SORCS3: variants seen among roughly 807,000 people sequenced by gnomAD.
SORCS3 encodes the protein sortilin related VPS10 domain containing receptor 3.
In SORCS3, 57 loss-of-function variants were observed where a neutral mutation model predicts 146.3. That is an observed-to-expected ratio of 0.39 (90% CI 0.31 to 0.49). The LOEUF (loss-of-function observed/expected upper bound fraction) is 0.49. Ranked by LOEUF, SORCS3 falls within the 20% of genes least tolerant of loss-of-function variation. The probability of loss-of-function intolerance (pLI) is 0.92; values close to 1 mark genes in which losing one functional copy is unlikely to be tolerated. For missense variants in SORCS3, 1,341 were observed against 1,575.5 expected (o/e 0.85, Z 2.52); for synonymous variants, 653 against 618.5 (o/e 1.06, Z -0.83).
Position 105,256,830 on chromosome 10 carries a change from G to T in SORCS3, c.3349G>T (p.Asp1117Tyr). ...TTCTTCTTTCCAAGCTCCATTGGTG[G>T]ACTCCAGTGCTGGGCACAGCAGCTC... is the stretch of plus-strand genomic sequence containing the variant. ...VTQLTLAPLVDSSAGHSSSAM... is the reference protein window; with the variant it reads ...VTQLTLAPLVYSSAGHSSSAM... Residue 1117 changes from aspartate (D) to tyrosine (Y), a missense_variant, in exon 25 of 27, where the codon GAC becomes TAC. Asp to Tyr is a radical substitution (Grantham distance 160, BLOSUM62 -3). Coordinates refer to ENST00000369701, the MANE Select transcript of SORCS3 (RefSeq NM_014978.3). 1 of 1,613,782 alleles carries T rather than the reference G, an allele frequency of 6.2e-7. No homozygotes were observed. The highest frequency in any genetic ancestry group is 1.3e-5 in the African/African-American group (1 of 75,026).
chr10:104,866,660 A>G (rs2018461848), intron 2 of SORCS3, among the ~76,000 whole-genome samples: 1 of 152,234 alleles, frequency 6.6e-6, no homozygotes, highest in Non-Finnish European at 1.5e-5. Flanking sequence ...TTGGACATTC[A>G]TTGAAATTTA....
chr10:105,105,959 A>G (rs1263413666), intron 7 of SORCS3, among the ~76,000 whole-genome samples: 3 of 152,062 alleles, frequency 2.0e-5, no homozygotes, highest in Non-Finnish European at 4.4e-5. Context: ...AGTGCTGACT[A>G]CCTTCTCAAT....
At chr10:105,239,551 C>T (rs1238735581) in intron 20 of SORCS3, among the ~76,000 whole-genome samples, 1 of 152,108 alleles carries the variant, frequency 6.6e-6, no homozygotes, top group Non-Finnish European at 1.5e-5. Flanking sequence ...TAATATGTGA[C>T]CTGTCGCACA....
intron 2 of SORCS3, among the ~76,000 whole-genome samples, chr10:104,850,088 C>A (rs2018257057): frequency 6.6e-6 from 1 of 152,182 alleles, no homozygotes. Flanking sequence ...TTTCATATAA[C>A]TTTTGGAGGG....
intron 20 of SORCS3, among the ~76,000 whole-genome samples, chr10:105,228,718 G>T (rs537390287): frequency 1.2e-4 from 18 of 152,130 alleles, no homozygotes; most frequent in Non-Finnish European, 2.1e-4. Context: ...ATCCACTCTT[G>T]GTTGAATGGG....
rs372893598 is a variant in SORCS3, at chr10:105,263,745, C to T, written c.*371C>T. The T allele has an allele frequency of 3.5e-4, 78 of 225,682 alleles. No individual in the cohort carries two copies. Among genetic ancestry groups the T allele is most frequent in the African/African-American group, 1.3e-3 (58 of 43,862 alleles). The allele number at this position is 225,682 out of a possible 1,614,324, so 14.0% of individuals were successfully genotyped here. On this transcript the variant is annotated 3_prime_UTR_variant, in exon 27 of 27. Coordinates refer to ENST00000369701, the MANE Select transcript of SORCS3 (RefSeq NM_014978.3). ...CCACAGCAGAATCACCAACACTCTC[C>T]GCTTCCCCCAGCACACACACATACA...
chr10:105,232,884 C>T (rs981222226), intron 20 of SORCS3, among the ~76,000 whole-genome samples: 3 of 151,888 alleles, frequency 2.0e-5, no homozygotes, highest in African/African-American at 4.8e-5. Flanking sequence ...TTCTGAGAGC[C>T]GACATTGTAT....
chr10:105,204,085 G>C (rs547149714), intron 16 of SORCS3, among the ~76,000 whole-genome samples: 10 of 152,196 alleles, frequency 6.6e-5, no homozygotes, highest in South Asian at 4.2e-4. Context: ...GGAGAGGCGA[G>C]GGGGAGCCTT....
In SORCS3 at chr10:105,214,286, C is replaced by T. The variant is rs567562278; in HGVS notation, c.2376-156C>T. ...AGCATTTGTTCAGCTTCGTAAATGACTGTCTTTTTGAGACTTGGTTTCCAG... is the reference window on the plus strand; with the variant it reads ...AGCATTTGTTCAGCTTCGTAAATGATTGTCTTTTTGAGACTTGGTTTCCAG... On this transcript the variant is annotated intron_variant, in intron 17 of 26. Coordinates refer to ENST00000369701, the MANE Select transcript of SORCS3 (RefSeq NM_014978.3). Among the ~76,000 whole-genome samples the T allele has an allele frequency of 1.7e-3, 254 of 152,276 alleles. 2 individuals carry two copies. The highest frequency in any genetic ancestry group is 3.1e-3 in the Non-Finnish European group (211 of 68,028).
chr10:104,842,914 C>G, intron 2 of SORCS3, 55 bp downstream of exon 2: 1 of 1,394,130 alleles, frequency 7.2e-7, no homozygotes, highest in South Asian at 1.2e-5. Context: ...ACATGAGAAA[C>G]GCAAGCTAAG....
chr10:105,079,088 T>C (rs2055607060), intron 5 of SORCS3, among the ~76,000 whole-genome samples: 1 of 152,186 alleles, frequency 6.6e-6, no homozygotes, highest in Admixed American at 6.5e-5. Flanking sequence ...ATCATCATCA[T>C]GTCATCTATG....
intron 1 of SORCS3, among the ~76,000 whole-genome samples, chr10:104,808,678 T>C (rs1490258167): frequency 6.6e-6 from 1 of 152,230 alleles, no homozygotes; most frequent in African/African-American, 2.4e-5. Flanking sequence ...CTGGAGCCCA[T>C]CATGAAGAAG....
intron 1 of SORCS3, among the ~76,000 whole-genome samples, chr10:104,655,421 A>G (rs2015616063): frequency 1.3e-5 from 2 of 152,122 alleles, no homozygotes; most frequent in South Asian, 4.1e-4. Context: ...CTGCAGAAAA[A>G]ATAGCCAGCA....
At chr10:104,755,280 A>G (rs1156695190) in intron 1 of SORCS3, among the ~76,000 whole-genome samples, 1 of 152,202 alleles carries the variant, frequency 6.6e-6, no homozygotes, top group African/African-American at 2.4e-5. Flanking sequence ...TCAATCATTC[A>G]TACATTCATT....
chr10:104,964,194 T>C (rs1333037453), intron 3 of SORCS3, among the ~76,000 whole-genome samples: 1 of 152,216 alleles, frequency 6.6e-6, no homozygotes, highest in Non-Finnish European at 1.5e-5. Context: ...ATATGCTTTC[T>C]ATGTAACTTG....
At chr10:104,862,375 T>A (rs1474838101) in intron 2 of SORCS3, among the ~76,000 whole-genome samples, 1 of 152,186 alleles carries the variant, frequency 6.6e-6, no homozygotes, top group Admixed American at 6.5e-5. Flanking sequence ...GGACAAGCCC[T>A]GTGGAGTTTT....
rs574885689 is a variant in SORCS3 at position 105,130,611 on chromosome 10, C to T, written c.1213-8786C>T. ...ACACACACACCCAGAGCAATATTGG[C>T]TTCAGTGTCAACTATCTTATTATCT... On this transcript the variant is annotated intron_variant, in intron 7 of 26. Coordinates refer to ENST00000369701, the MANE Select transcript of SORCS3 (RefSeq NM_014978.3). Among the ~76,000 whole-genome samples, 19 of 152,226 alleles carry T rather than the reference C, an allele frequency of 1.2e-4. No homozygotes were observed. In the South Asian group the frequency reaches 3.5e-3, roughly 28 times the overall value.
chr10:104,947,796 T>A (rs990060119), intron 3 of SORCS3, among the ~76,000 whole-genome samples: 5 of 152,046 alleles, frequency 3.3e-5, no homozygotes, highest in Admixed American at 6.5e-5. Flanking sequence ...CTAATTTTTG[T>A]ATTTTTAGTA....
chr10:105,050,280 G>T (rs961342464), intron 5 of SORCS3, among the ~76,000 whole-genome samples: 2 of 152,098 alleles, frequency 1.3e-5, no homozygotes, highest in South Asian at 2.1e-4. Flanking sequence ...TTAGTGGCTT[G>T]CTTCTAGTGA....
Sources: gnomAD v4.1 joint callset for allele counts (sites outside exome capture counted in the v4.1 genomes callset) on GRCh38, gnomAD v4.1.1 for gene constraint, MANE v1.5 for transcripts, NCBI Gene and HGNC (gene_info 2026-07-23, HGNC 2026-07-21) for gene names.